The following TRUB2 variants were observed in gnomAD, a reference collection of about 807,000 sequenced individuals.
TRUB2 encodes the protein TruB pseudouridine synthase family member 2.
In TRUB2, 31 loss-of-function variants were observed where a neutral mutation model predicts 31.9. The observed-to-expected ratio is 0.97, with a 90% CI of 0.73 to 1.31. The LOEUF (loss-of-function observed/expected upper bound fraction) is 1.31, where lower values mean the gene tolerates loss of function less well. Ranked by LOEUF, TRUB2 falls within the 50% of genes most tolerant of loss-of-function variation. The probability of loss-of-function intolerance (pLI) is 0.00; values close to 1 mark genes in which losing one functional copy is unlikely to be tolerated. For synonymous variants in TRUB2, 201 were observed against 182.6 expected (o/e 1.10, Z -0.81); for missense variants, 451 against 439.6 (o/e 1.03, Z -0.23).
chr9:128,313,696 A>T, intron 5 of TRUB2, 112 bp downstream of exon 5: 1 of 951,594 alleles, frequency 1.1e-6, no homozygotes, highest in Non-Finnish European at 1.7e-6. Flanking sequence ...CCTCAGCCCA[A>T]GCCTAGTGTG....
chr9:128,322,147 G>A (rs1397862590), intron 1 of TRUB2, among the ~76,000 whole-genome samples, 153 bp downstream of exon 1: 1 of 152,232 alleles, frequency 6.6e-6, no homozygotes, highest in Non-Finnish European at 1.5e-5. Flanking sequence ...AGAGGAAAGT[G>A]AGGAGTAAGA....
chr9:128,313,393 G>A (rs1408312195), intron 5 of TRUB2, among the ~76,000 whole-genome samples: 3 of 150,592 alleles, frequency 2.0e-5, no homozygotes, highest in South Asian at 4.2e-4. Context: ...AAAAAAAGCC[G>A]GGCGTGGTGG....
chr9:128,309,720 G>A lies in TRUB2; in HGVS notation c.826C>T (p.Leu276=), dbSNP rs181741722. The A allele has an allele frequency of 1.2e-6, 2 of 1,614,232 alleles. No homozygotes were observed. The highest frequency in any genetic ancestry group is 3.3e-5 in the Admixed American group (2 of 60,022). The change falls in exon 8 of 8, where the codon CTA becomes TTA. Residue 276 remains leucine, a synonymous_variant. Transcript: ENST00000372890. Reference sequence around the variant, plus strand: ...CGGATAGCATCCTGGATGTTGGTTAGGTCCCACTGGGTCCTCAGGAGGGCA... The same window carrying A: ...CGGATAGCATCCTGGATGTTGGTTAAGTCCCACTGGGTCCTCAGGAGGGCA... The part of the protein sequence containing the change: ...DSALLRTQWD[L]TNIQDAIRAA...
At chr9:128,312,967 G>A (rs1831999294) in intron 5 of TRUB2, among the ~76,000 whole-genome samples, 1 of 150,544 alleles carries the variant, frequency 6.6e-6, no homozygotes, top group East Asian at 2.1e-4. Context: ...TGTAATCCCA[G>A]CACTTTGGGA....
chr9:128,310,231 C>G (rs1831944572), intron 7 of TRUB2, among the ~76,000 whole-genome samples: 2 of 151,872 alleles, frequency 1.3e-5, no homozygotes, highest in Admixed American at 6.6e-5. Flanking sequence ...GTAGCTGGGA[C>G]GTTCTGAGCC....
rs142832801 is a variant in TRUB2, at chr9:128,315,623, C to T, written c.322G>A (p.Gly108Ser). Residue 108 changes from glycine (G) to serine (S), a missense_variant, in exon 4 of 8, where the codon GGC (glycine) becomes AGC (serine). Gly to Ser is a moderately conservative substitution (Grantham distance 56, BLOSUM62 0). Transcript: ENST00000372890. ...DAQASGVLVL[G>S]VGHGCRLLTD... is the part of the protein sequence containing the mutation. The stretch of plus-strand genomic sequence containing the variant: ...AGGAGCCTGCATCCATGTCCCACGC[C>T]GAGCACTGAAAAGCAGCCAGCGTCA... The T allele has an allele frequency of 1.2e-5, 19 of 1,613,374 alleles. No individual in the cohort carries two copies. Among genetic ancestry groups the T allele is most frequent in the African/African-American group, 5.3e-5 (4 of 74,882 alleles).
rs1346746120 is a variant in TRUB2, at chr9:128,306,308, T to C, written c.*3242A>G. The C allele has an allele frequency of 6.6e-6, 1 of 152,118 alleles. No homozygotes were observed. The highest frequency in any genetic ancestry group is 6.6e-5 in the Admixed American group (1 of 15,250). The allele number at this position is 152,118 out of a possible 1,614,324, so 9.4% of individuals were successfully genotyped here. On this transcript the variant is annotated 3_prime_UTR_variant, in exon 8 of 8. Transcript: ENST00000372890. ...CTAAATGGGGTGGTGTGACAGCCCATGTGCCCTACGTTCAAGTTACCTAAT... is the reference window on the plus strand; with the variant it reads ...CTAAATGGGGTGGTGTGACAGCCCACGTGCCCTACGTTCAAGTTACCTAAT...
In TRUB2 at chr9:128,317,209, C is replaced by A; in HGVS notation, c.259G>T (p.Ala87Ser). The change falls in exon 3 of 8, where the codon GCC (alanine) becomes TCC (serine). Residue 87 changes from alanine (A) to serine (S), a missense_variant. Coordinates refer to ENST00000372890, the MANE Select transcript of TRUB2 (RefSeq NM_015679.3). ...TGTCCCACGCCAACCTTGAGATGGG[C>A]GAATGCTGGTCCACATACTGGAAAG... ...NHPLVCGPAF[A>S]HLKVGVGHRL... 6.3e-7 allele frequency: 1 copy of A among 1,594,714 alleles called. No individual in the cohort carries two copies. Among genetic ancestry groups the A allele is most frequent in the Non-Finnish European group, 8.6e-7 (1 of 1,169,116 alleles).
At position 128,306,191 on chromosome 9, in the gene TRUB2, G is replaced by A. The variant is rs918475933; in HGVS notation, c.*3359C>T. 5 of 151,984 alleles carry A rather than the reference G, an allele frequency of 3.3e-5. 1 individual carries two copies. The highest frequency in any genetic ancestry group is 7.4e-5 in the Non-Finnish European group (5 of 67,988). The allele number at this position is 151,984 out of a possible 1,614,324, so 9.4% of individuals were successfully genotyped here. On this transcript the variant is annotated 3_prime_UTR_variant, in exon 8 of 8. Transcript: ENST00000372890. ...GGCTGTACATTGACCAATTATTTTG[G>A]CCATGACTCAGAGTTCCCCTATCCT...
rs1831936092 is a variant in TRUB2, at chr9:128,309,803, GTCTT to G, written c.739_742del (p.Lys247ProfsTer18). ...CCGCACTTGGGTGCAGACAGCAGTG[GTCTT>G]TAGTTCCAGGCCGATTTCATGAACC... is the stretch of plus-strand genomic sequence containing the variant. On this transcript the variant is annotated frameshift_variant, in exon 8 of 8. Coordinates refer to ENST00000372890, the MANE Select transcript of TRUB2 (RefSeq NM_015679.3). LOFTEE classifies it high-confidence loss of function. The G allele has an allele frequency of 1.9e-6, 3 of 1,614,120 alleles. No individual in the cohort carries two copies. Among genetic ancestry groups the G allele is most frequent in the Non-Finnish European group, 2.5e-6 (3 of 1,180,050 alleles).
chr9:128,317,805 G>A (rs1319658790), intron 2 of TRUB2, among the ~76,000 whole-genome samples: 1 of 152,174 alleles, frequency 6.6e-6, no homozygotes, highest in Admixed American at 6.6e-5. Context: ...CAGCACTGTG[G>A]TGATATCAAT....
At position 128,309,634 on chromosome 9, in the gene TRUB2, G is replaced by A; in HGVS notation, c.912C>T (p.Thr304=). ...ACCATCCCGGACTGGGGAGCTGCTT[G>A]GTGTCCAGCCCCGGGCTCAAGCTCT... ...LEKSLSPGLD[T]KQLPSPGWSW... Residue 304 remains threonine, a synonymous_variant, in exon 8 of 8, where the codon ACC becomes ACT. Coordinates refer to ENST00000372890, the MANE Select transcript of TRUB2 (RefSeq NM_015679.3). 1.9e-6 allele frequency: 3 copies of A among 1,614,118 alleles called. No individual in the cohort carries two copies. In the Admixed American group the frequency reaches 5.0e-5, roughly 27 times the overall value.
chr9:128,313,398 T>C (rs1202049515), intron 5 of TRUB2, among the ~76,000 whole-genome samples: 1 of 144,788 alleles, frequency 6.9e-6, no homozygotes, highest in Non-Finnish European at 1.5e-5. Flanking sequence ...AAGCCGGGCG[T>C]GGTGGCGGGC....
chr9:128,322,379 A>G lies in TRUB2; in HGVS notation c.30T>C (p.His10=), dbSNP rs1224483147. 6.2e-7 allele frequency: 1 copy of G among 1,614,158 alleles called. No homozygotes were observed. The highest frequency in any genetic ancestry group is 1.1e-5 in the South Asian group (1 of 91,082). Reference sequence around the variant, plus strand: ...GGGGCTTATAGACCGCGAAAAGCCCATGCAGCCGCGACAAGCCAGCAGACC... The same window carrying G: ...GGGGCTTATAGACCGCGAAAAGCCCGTGCAGCCGCGACAAGCCAGCAGACC... MGSAGLSRL[H]GLFAVYKPPG... Residue 10 remains histidine, a synonymous_variant, in exon 1 of 8, where the codon CAT becomes CAC. Coordinates refer to ENST00000372890, the MANE Select transcript of TRUB2 (RefSeq NM_015679.3).
intron 5 of TRUB2, among the ~76,000 whole-genome samples, 160 bp downstream of exon 5, chr9:128,313,648 T>C (rs1372062380): frequency 2.0e-5 from 3 of 147,972 alleles, no homozygotes; most frequent in Non-Finnish European, 4.5e-5. Context: ...AGCAGGGGAG[T>C]AGAGGATGCT....
chr9:128,320,297 G>A (rs1269955967), intron 2 of TRUB2, among the ~76,000 whole-genome samples: 4 of 151,282 alleles, frequency 2.6e-5, no homozygotes, highest in African/African-American at 4.9e-5. Flanking sequence ...AACCTCCCGA[G>A]TAGCTGGAAC....
At chr9:128,313,322 C>T (rs557958220) in intron 5 of TRUB2, among the ~76,000 whole-genome samples, 1 of 151,128 alleles carries the variant, frequency 6.6e-6, no homozygotes, top group African/African-American at 2.4e-5. Context: ...GTCAGGAGAT[C>T]CAGACCATCT....
chr9:128,317,048 G>T, intron 3 of TRUB2, 104 bp downstream of exon 3: 1 of 979,750 alleles, frequency 1.0e-6, no homozygotes, highest in East Asian at 2.6e-5. Flanking sequence ...GGAGAGGAGT[G>T]GTGGGACGTG....
intron 3 of TRUB2, chr9:128,316,787 C>T (rs979330188): frequency 5.0e-5 from 10 of 198,758 alleles, no homozygotes; most frequent in Non-Finnish European, 8.2e-5. Flanking sequence ...TTTCCTTCTC[C>T]GGACCAGGGG....
Sources: gnomAD v4.1 joint callset for allele counts (sites outside exome capture counted in the v4.1 genomes callset) on GRCh38, gnomAD v4.1.1 for gene constraint, MANE v1.5 for transcripts, NCBI Gene and HGNC (gene_info 2026-07-23, HGNC 2026-07-21) for gene names.